ADAM23: variants seen among roughly 807,000 people sequenced by gnomAD.
ADAM23 encodes disintegrin and metalloproteinase domain-containing protein 23.
Under a neutral mutation model 120.1 loss-of-function variants are expected in ADAM23, and 33 were observed. The observed-to-expected ratio is 0.27, with a 90% CI of 0.21 to 0.37. The LOEUF (loss-of-function observed/expected upper bound fraction) is 0.37, where lower values mean the gene tolerates loss of function less well. Among genes scored for constraint, ADAM23 ranks in the 10% least tolerant of loss-of-function variants. The pLI is 1.00. For missense variants in ADAM23, 862 were observed against 1,058.2 expected, an observed-to-expected ratio of 0.81 and a Z score of 2.57; for synonymous variants, 367 against 375.2, an observed-to-expected ratio of 0.98 and a Z score of 0.25.
At chr2:206,589,965 T>A (rs1478041658) in intron 21 of ADAM23, among the ~76,000 whole-genome samples, 1 of 152,222 alleles carries the variant, frequency 6.6e-6, no homozygotes, top group Admixed American at 6.5e-5. Context: ...GTAGTAACAT[T>A]TGATTTAATC....
At chr2:206,477,889 A>ATATATATATATATATAT (rs371133867) in intron 2 of ADAM23, among the ~76,000 whole-genome samples, 21 of 54,494 alleles carry the variant, frequency 3.9e-4, no homozygotes, top group South Asian at 2.7e-3. Flanking sequence ...TTAAAAAAAA[A>ATATATATATATATATAT]AAAAAAAAAT....
intron 2 of ADAM23, among the ~76,000 whole-genome samples, chr2:206,457,121 G>A (rs1409424497): frequency 6.6e-6 from 1 of 152,154 alleles, no homozygotes; most frequent in Admixed American, 6.5e-5. Context: ...TAAGTAGAAT[G>A]CATGAAATCA....
intron 9 of ADAM23, among the ~76,000 whole-genome samples, chr2:206,556,912 A>G (rs535799759): frequency 6.6e-6 from 1 of 152,310 alleles, no homozygotes; most frequent in South Asian, 2.1e-4. Flanking sequence ...TTGAATTTAA[A>G]GTGAGACAAG....
At chr2:206,508,262 G>A (rs1217478331) in intron 3 of ADAM23, among the ~76,000 whole-genome samples, 3 of 152,138 alleles carry the variant, frequency 2.0e-5, no homozygotes, top group Non-Finnish European at 4.4e-5. Flanking sequence ...ATCTGACCTC[G>A]TGATCCGCCC....
intron 18 of ADAM23, among the ~76,000 whole-genome samples, chr2:206,581,710 A>C (rs994374954): frequency 1.3e-5 from 2 of 152,118 alleles, no homozygotes; most frequent in Non-Finnish European, 2.9e-5. Flanking sequence ...TGTTGGATGA[A>C]ATGTTCTGTA....
At chr2:206,472,528 G>C (rs1695681868) in intron 2 of ADAM23, among the ~76,000 whole-genome samples, 1 of 151,494 alleles carries the variant, frequency 6.6e-6, no homozygotes, top group Non-Finnish European at 1.5e-5. Context: ...CACGAGAATT[G>C]CTTGAACCCA....
chr2:206,463,242 T>A (rs1234612878), intron 2 of ADAM23, among the ~76,000 whole-genome samples: 1 of 152,188 alleles, frequency 6.6e-6, no homozygotes, highest in Non-Finnish European at 1.5e-5. Context: ...CTGGATTATC[T>A]GGGTGGGCCC....
chr2:206,505,760 A>G (rs1696484931), intron 3 of ADAM23, among the ~76,000 whole-genome samples: 1 of 152,124 alleles, frequency 6.6e-6, no homozygotes, highest in African/African-American at 2.4e-5. Flanking sequence ...CCATATTACT[A>G]TTATTATCCC....
intron 24 of ADAM23, chr2:206,605,831 A>G: frequency 1.4e-6 from 1 of 700,242 alleles, no homozygotes; most frequent in Non-Finnish European, 2.6e-6. Context: ...CGTGGCCGGC[A>G]CCATTCTGGC....
At chr2:206,553,044 G>T (rs536648148) in intron 9 of ADAM23, among the ~76,000 whole-genome samples, 89 of 152,162 alleles carry the variant, frequency 5.8e-4, no homozygotes, top group African/African-American at 2.0e-3. Flanking sequence ...AAAAAGAATT[G>T]TAATTTGTAC....
intron 18 of ADAM23, among the ~76,000 whole-genome samples, chr2:206,575,522 T>A (rs1316041050): frequency 3.9e-5 from 6 of 152,158 alleles, no homozygotes; most frequent in Non-Finnish European, 7.4e-5. Context: ...CAGGGTTAGC[T>A]CCTCAGGACA....
At chr2:206,536,289 A>T (rs1016754975) in intron 4 of ADAM23, among the ~76,000 whole-genome samples, 18 of 152,304 alleles carry the variant, frequency 1.2e-4, no homozygotes, top group African/African-American at 4.3e-4. Context: ...GACCTCACTT[A>T]TGTGTAGAAT....
chr2:206,607,485 G>A (rs1187710392), intron 24 of ADAM23, among the ~76,000 whole-genome samples: 1 of 152,126 alleles, frequency 6.6e-6, no homozygotes, highest in Non-Finnish European at 1.5e-5. Context: ...TGTACTAATT[G>A]AAAGGATGAA....
rs376618678 is a variant in ADAM23 at position 206,474,428 on chromosome 2, C to G, written c.433-6804C>G. ...TTGGAATTTGCTAGATGGTGGCTAA[C>G]TATCCTGGGAGGGAACTTTAGGGTG... On this transcript the variant is annotated intron_variant, in intron 2 of 25. Transcript: ENST00000264377. 1.3e-4 allele frequency among the ~76,000 whole-genome samples: 20 copies of G among 152,250 alleles called. No individual in the cohort carries two copies. In the South Asian group the frequency reaches 4.2e-3, roughly 32 times the overall value.
intron 24 of ADAM23, chr2:206,606,701 G>A (rs1040902842): frequency 1.2e-4 from 18 of 152,196 alleles, no homozygotes; most frequent in African/African-American, 3.9e-4. Flanking sequence ...CAGAATAGCT[G>A]TCAGTTCTCC....
At position 206,530,930 on chromosome 2, in the gene ADAM23, G is replaced by A. The variant is rs1697046767; in HGVS notation, c.555G>A (p.Gly185=). The A allele has an allele frequency of 4.3e-6, 7 of 1,613,666 alleles. No homozygotes were observed. The South Asian group carries it at 7.7e-5, about 18-fold the overall frequency. The part of the protein sequence containing the change: ...SDYVEIHYEN[G]KPQYSKGGEH... ...ATGTGGAGATTCACTACGAAAATGG[G>A]AAACCACAGTACTCTAAGGTACGGT... The change falls in exon 4 of 26, where the codon GGG becomes GGA. Residue 185 remains glycine, a synonymous_variant. Coordinates refer to ENST00000264377, the MANE Select transcript of ADAM23 (RefSeq NM_003812.4).
At chr2:206,573,772 C>T (rs76893649) in intron 18 of ADAM23, among the ~76,000 whole-genome samples, 12,595 of 151,788 alleles carry the variant, frequency 0.083, 622 homozygotes, top group Admixed American at 0.13. Context: ...CTTATGATGC[C>T]GTGTTTTAAA....
At chr2:206,597,511 A>G (rs1177201621) in intron 24 of ADAM23, among the ~76,000 whole-genome samples, 4 of 152,080 alleles carry the variant, frequency 2.6e-5, no homozygotes, top group Non-Finnish European at 5.9e-5. Flanking sequence ...GGAGTATGGT[A>G]ATCATTTTTC....
chr2:206,488,998 A>G (rs1696074397), intron 3 of ADAM23, among the ~76,000 whole-genome samples: 1 of 152,224 alleles, frequency 6.6e-6, no homozygotes, highest in African/African-American at 2.4e-5. Context: ...GGGGATATTC[A>G]GCTTTATTTG....
Sources: allele counts gnomAD v4.1 joint callset (sites outside exome capture counted in the v4.1 genomes callset), GRCh38; gene constraint gnomAD v4.1.1; transcripts MANE v1.5; gene names NCBI Gene and HGNC (gene_info 2026-07-23, HGNC 2026-07-21).